AGMO: variants seen among roughly 807,000 people sequenced by gnomAD.
AGMO encodes glyceryl-ether monooxygenase.
AGMO carries 75 observed loss-of-function variants against 60.2 expected under a neutral mutation model. The ratio of observed to expected loss-of-function variants is 1.25; its 90% CI spans 1.03 to 1.51. The LOEUF is 1.51. Ranked by LOEUF, AGMO falls within the 40% of genes most tolerant of loss-of-function variation. The pLI is 0.00. For missense variants in AGMO, 763 were observed against 525.5 expected (o/e 1.45, Z -4.42); for synonymous variants, 261 against 177.1 (o/e 1.47, Z -3.76).
At chr7:15,171,762 C>T in the AGMO span, among the ~76,000 whole-genome samples, 1 of 152,174 alleles carries the variant, frequency 6.6e-6, no homozygotes, top group African/African-American at 2.4e-5. Context: ...TTAACATTAA[C>T]TCCATGCCTT....
Position 15,394,109 on chromosome 7 carries a change from T to G in AGMO, c.676+4A>C, listed in dbSNP as rs769377948. 2 of 1,605,786 alleles carry G rather than the reference T, an allele frequency of 1.2e-6. 1 individual carries two copies. The highest frequency in any genetic ancestry group is 2.2e-5 in the South Asian group (2 of 90,176). Reference sequence around the variant, plus strand: ...AAAAGAGAGAAGAAACAAAACTTCCTTACCATGATGAACCCTATGATGGCT... The same window carrying G: ...AAAAGAGAGAAGAAACAAAACTTCCGTACCATGATGAACCCTATGATGGCT... On this transcript the variant is annotated splice_donor_region_variant and intron_variant, in intron 6 of 12. Coordinates refer to ENST00000342526, the MANE Select transcript of AGMO (RefSeq NM_001004320.2).
intron 3 of AGMO, 81 bp downstream of exon 3, chr7:15,544,691 C>A: frequency 8.9e-7 from 1 of 1,121,660 alleles, no homozygotes. Context: ...TTTATCCATT[C>A]AATAAATGTT....
At chr7:15,355,354 T>G (rs1056637543) in intron 12 of AGMO, among the ~76,000 whole-genome samples, 5 of 151,516 alleles carry the variant, frequency 3.3e-5, no homozygotes, top group African/African-American at 1.2e-4. Flanking sequence ...TACAAAAAAA[T>G]TAGCCAAGCA....
At chr7:15,536,699 G>C (rs1276693195) in intron 3 of AGMO, among the ~76,000 whole-genome samples, 3 of 151,832 alleles carry the variant, frequency 2.0e-5, no homozygotes, top group African/African-American at 7.2e-5. Flanking sequence ...ATAAGTAAAT[G>C]TATTAATTCA....
At chr7:15,238,873 C>G (rs1326069764) in intron 12 of AGMO, among the ~76,000 whole-genome samples, 1 of 152,074 alleles carries the variant, frequency 6.6e-6, no homozygotes, top group Non-Finnish European at 1.5e-5. Flanking sequence ...GAAAACATAA[C>G]TTTTAATAAT....
chr7:15,306,533 C>G (rs747026775), intron 12 of AGMO: 1 of 467,746 alleles, frequency 2.1e-6, no homozygotes, highest in South Asian at 1.6e-5. Flanking sequence ...TCTCCTTGGC[C>G]TGGAGCCCAA....
At chr7:15,299,163 A>T (rs1784486125) in intron 12 of AGMO, among the ~76,000 whole-genome samples, 1 of 151,784 alleles carries the variant, frequency 6.6e-6, no homozygotes, top group Non-Finnish European at 1.5e-5. Flanking sequence ...TTTGCTACAT[A>T]TGAGTTATTT....
intron 3 of AGMO, among the ~76,000 whole-genome samples, chr7:15,490,753 A>T (rs1255028836): frequency 6.6e-6 from 1 of 152,186 alleles, no homozygotes; most frequent in Non-Finnish European, 1.5e-5. Context: ...ATAAGAAAAT[A>T]AAAAATATCC....
chr7:15,307,357 T>C (rs1163946992), intron 12 of AGMO, among the ~76,000 whole-genome samples: 4 of 152,056 alleles, frequency 2.6e-5, no homozygotes, highest in Admixed American at 2.6e-4. Flanking sequence ...GCATTTACCA[T>C]TACTTATAAA....
At chr7:15,218,509 A>G (rs1341236683) in intron 12 of AGMO, among the ~76,000 whole-genome samples, 5 of 151,788 alleles carry the variant, frequency 3.3e-5, no homozygotes, top group Non-Finnish European at 7.4e-5. Context: ...GGTTGAAGGG[A>G]GTGGGCTTCC....
At chr7:15,317,927 G>GTATATATATATATATACACACACACACAC (rs150303018) in intron 12 of AGMO, among the ~76,000 whole-genome samples, 1 of 126,758 alleles carries the variant, frequency 7.9e-6, no homozygotes, top group African/African-American at 3.3e-5. Flanking sequence ...ATACACACAC[G>GTATATATATATATATACACACACACACAC]TATATATATA....
rs73679452 is a variant in AGMO, at chr7:15,230,956, C to T, written c.1264-29597G>A. On this transcript the variant is annotated intron_variant, in intron 12 of 12. Coordinates refer to ENST00000342526, the MANE Select transcript of AGMO (RefSeq NM_001004320.2). ...TGGTGTTAAACTCTTGCTTATTCCA[C>T]TGCACCATTAATGCTTAACTCTTTC... is the stretch of plus-strand genomic sequence containing the variant. 9.5e-3 allele frequency among the ~76,000 whole-genome samples: 1,443 copies of T among 152,302 alleles called. 23 individuals carry two copies. The highest frequency in any genetic ancestry group is 0.033 in the African/African-American group (1,370 of 41,566).
At chr7:15,443,281 C>T (rs1297368594) in intron 3 of AGMO, among the ~76,000 whole-genome samples, 1 of 152,158 alleles carries the variant, frequency 6.6e-6, no homozygotes, top group Non-Finnish European at 1.5e-5. Flanking sequence ...GCCTCAGAAG[C>T]TGTAAACATT....
intron 12 of AGMO, among the ~76,000 whole-genome samples, chr7:15,220,924 G>T (rs762916182): frequency 6.6e-6 from 1 of 152,076 alleles, no homozygotes; most frequent in Non-Finnish European, 1.5e-5. Flanking sequence ...AAATGATGAT[G>T]CTATTTTCTG....
chr7:15,119,412 T>C, the AGMO span, among the ~76,000 whole-genome samples: 4 of 152,166 alleles, frequency 2.6e-5, no homozygotes, highest in African/African-American at 9.6e-5. Context: ...TACTTATAAT[T>C]TCTACAATCT....
Position 15,232,801 on chromosome 7 carries a change from GCACA to G in AGMO, c.1264-31446_1264-31443del, listed in dbSNP as rs71004371. Among the ~76,000 whole-genome samples the G allele has an allele frequency of 4.2e-4, 62 of 147,100 alleles. 1 individual carries two copies. Among genetic ancestry groups the G allele is most frequent in the South Asian group, 1.7e-3 (8 of 4,600 alleles). ...TTAAACATGGAAACCACACACACAC[GCACA>G]CACACACACACACACACACACAAAA... is the stretch of plus-strand genomic sequence containing the variant. On this transcript the variant is annotated intron_variant, in intron 12 of 12. Coordinates refer to ENST00000342526, the MANE Select transcript of AGMO (RefSeq NM_001004320.2).
the AGMO span, among the ~76,000 whole-genome samples, chr7:15,170,282 C>T: frequency 6.6e-6 from 1 of 152,162 alleles, no homozygotes; most frequent in East Asian, 1.9e-4. Flanking sequence ...TGAGAAAATA[C>T]ATTTGTTTAT....
intron 12 of AGMO, among the ~76,000 whole-genome samples, chr7:15,343,831 T>C (rs1042291574): frequency 6.6e-6 from 1 of 152,194 alleles, no homozygotes; most frequent in East Asian, 1.9e-4. Context: ...TTACCTAGTA[T>C]TGAAATAACG....
chr7:15,163,973 T>C, the AGMO span, among the ~76,000 whole-genome samples: 3 of 152,066 alleles, frequency 2.0e-5, no homozygotes, highest in Non-Finnish European at 2.9e-5. Context: ...TTTGTTATTG[T>C]TGTTGGGAGA....
Sources: gnomAD v4.1 joint callset for allele counts (sites outside exome capture counted in the v4.1 genomes callset) on GRCh38, gnomAD v4.1.1 for gene constraint, MANE v1.5 for transcripts, NCBI Gene and HGNC (gene_info 2026-07-23, HGNC 2026-07-21) for gene names.